Variants in SIK2 observed in about 807,000 individuals in gnomAD.
SIK2 encodes serine/threonine-protein kinase SIK2.
SIK2 carries 29 observed loss-of-function variants against 103.2 expected under a neutral mutation model. The ratio of observed to expected loss-of-function variants is 0.28; its 90% CI spans 0.21 to 0.38. SIK2 has a LOEUF of 0.38. Ranked by LOEUF, SIK2 falls within the 10% of genes least tolerant of loss-of-function variation. The pLI, the probability that SIK2 is intolerant of heterozygous loss-of-function variation, is 1.00. For missense variants in SIK2, 879 were observed against 1,171.0 expected (o/e 0.75, Z 3.64); for synonymous variants, 412 against 446.1 (o/e 0.92, Z 0.96).
intron 3 of SIK2, among the ~76,000 whole-genome samples, chr11:111,633,398 T>A (rs1942064166): frequency 6.6e-6 from 1 of 152,196 alleles, no homozygotes; most frequent in South Asian, 2.1e-4. Context: ...CAATACAAAG[T>A]GTTTTACAAA....
intron 3 of SIK2, among the ~76,000 whole-genome samples, chr11:111,661,995 T>A (rs1402916062): frequency 1.3e-5 from 2 of 152,220 alleles, no homozygotes; most frequent in African/African-American, 4.8e-5. Context: ...ATTTCTTTAA[T>A]CCTATATTTT....
intron 4 of SIK2, among the ~76,000 whole-genome samples, chr11:111,697,107 C>T (rs1303856091): frequency 6.6e-6 from 1 of 152,178 alleles, no homozygotes; most frequent in East Asian, 1.9e-4. Context: ...ACAATGAAGG[C>T]TCGAAGTAGT....
chr11:111,694,301 A>G (rs1044678206), intron 4 of SIK2, among the ~76,000 whole-genome samples: 2 of 152,178 alleles, frequency 1.3e-5, no homozygotes, highest in African/African-American at 4.8e-5. Flanking sequence ...AGTTTTTCAC[A>G]TATTCTCAAT....
rs201282279 is a variant in SIK2 at position 111,721,950 on chromosome 11, T to C, written c.2055+10T>C. 21 of 1,568,946 alleles carry C rather than the reference T, an allele frequency of 1.3e-5. No individual in the cohort carries two copies. In the East Asian group the frequency reaches 4.8e-4, roughly 36 times the overall value. ...GCAGCACAGACTCCAGGTGGGTCCT[T>C]CTCCTTGCGAGTCCACCTCACTCTG... On this transcript the variant is annotated intron_variant, in intron 13 of 14. Transcript: ENST00000304987.
intron 3 of SIK2, among the ~76,000 whole-genome samples, chr11:111,663,232 C>CA (rs34283287): frequency 0.02 from 2,783 of 141,666 alleles, 81 homozygotes; most frequent in African/African-American, 0.069. Context: ...GACCCTATTT[C>CA]AAAAAAAAAA....
intron 8 of SIK2, among the ~76,000 whole-genome samples, chr11:111,709,457 C>G (rs563956540): frequency 2.0e-5 from 3 of 152,096 alleles, no homozygotes; most frequent in Non-Finnish European, 4.4e-5. Flanking sequence ...TAGGAAAGAA[C>G]GTTATTTTCA....
intron 3 of SIK2, among the ~76,000 whole-genome samples, chr11:111,632,925 G>A (rs977285448): frequency 6.6e-6 from 1 of 152,094 alleles, no homozygotes; most frequent in African/African-American, 2.4e-5. Flanking sequence ...CTTTGGTCCT[G>A]TATTCCCTCC....
intron 3 of SIK2, among the ~76,000 whole-genome samples, chr11:111,679,909 G>A (rs891650894): frequency 6.6e-6 from 1 of 151,612 alleles, no homozygotes; most frequent in Non-Finnish European, 1.5e-5. Flanking sequence ...CGGATCACAA[G>A]GTCAGGAGTT....
intron 9 of SIK2, among the ~76,000 whole-genome samples, chr11:111,719,363 T>G (rs1270820489): frequency 6.7e-6 from 1 of 149,182 alleles, no homozygotes; most frequent in Non-Finnish European, 1.5e-5. Flanking sequence ...CCCCTTTTTT[T>G]TTTTTTTTTT....
chr11:111,651,731 C>T (rs950801857), intron 3 of SIK2, among the ~76,000 whole-genome samples: 2 of 135,918 alleles, frequency 1.5e-5, no homozygotes, highest in African/African-American at 5.9e-5. Context: ...ATTGTTTGTA[C>T]ATTCATTCAT....
intron 3 of SIK2, among the ~76,000 whole-genome samples, chr11:111,640,848 C>T (rs1001374179): frequency 2.7e-5 from 4 of 146,852 alleles, no homozygotes. Context: ...CATTCTTCTG[C>T]CTCAGCCTTC....
At chr11:111,620,540 A>G (rs1591590740) in intron 3 of SIK2, 138 bp downstream of exon 3, 1 of 585,334 alleles carries the variant, frequency 1.7e-6, no homozygotes, top group East Asian at 3.0e-5. Flanking sequence ...GAAAATATTC[A>G]GTAACCTAAA....
At chr11:111,604,432 G>C (rs1245031993) in intron 1 of SIK2, among the ~76,000 whole-genome samples, 1 of 152,156 alleles carries the variant, frequency 6.6e-6, no homozygotes, top group Non-Finnish European at 1.5e-5. Context: ...AGCTCTTACT[G>C]GGATTAATAG....
chr11:111,713,073 G>C (rs567494675), intron 9 of SIK2, among the ~76,000 whole-genome samples: 1 of 152,196 alleles, frequency 6.6e-6, no homozygotes, highest in Non-Finnish European at 1.5e-5. Flanking sequence ...GCTGAGGCAC[G>C]AGAATGTCTT....
intron 3 of SIK2, among the ~76,000 whole-genome samples, chr11:111,635,445 A>G (rs1224003578): frequency 4.7e-5 from 2 of 42,556 alleles, no homozygotes; most frequent in Admixed American, 3.7e-4. Context: ...GAAGGAAGGG[A>G]GGGAGGGAGG....
intron 3 of SIK2, among the ~76,000 whole-genome samples, chr11:111,667,557 T>C (rs1191855711): frequency 2.0e-5 from 3 of 146,458 alleles, no homozygotes; most frequent in African/African-American, 7.5e-5. Flanking sequence ...GGTGGCACAA[T>C]CTCAGCTCAC....
intron 3 of SIK2, among the ~76,000 whole-genome samples, chr11:111,635,068 T>C (rs1355072888): frequency 6.6e-6 from 1 of 152,206 alleles, no homozygotes; most frequent in East Asian, 1.9e-4. Context: ...TTATAAATCT[T>C]TCTAGTTAAC....
At chr11:111,710,422 T>A (rs561664544) in intron 8 of SIK2, among the ~76,000 whole-genome samples, 1 of 152,256 alleles carries the variant, frequency 6.6e-6, no homozygotes, top group Non-Finnish European at 1.5e-5. Flanking sequence ...GCCAGTGATA[T>A]TAATATTGGA....
chr11:111,713,579 G>C (rs1179561999), intron 9 of SIK2, among the ~76,000 whole-genome samples: 1 of 152,164 alleles, frequency 6.6e-6, no homozygotes, highest in South Asian at 2.1e-4. Flanking sequence ...AGATGAGTGA[G>C]ACATGAACTC....
Sources: allele counts gnomAD v4.1 joint callset (sites outside exome capture counted in the v4.1 genomes callset), GRCh38; gene constraint gnomAD v4.1.1; transcripts MANE v1.5; gene names NCBI Gene and HGNC (gene_info 2026-07-23, HGNC 2026-07-21).